RAB27B: variants seen among roughly 807,000 people sequenced by gnomAD.
RAB27B encodes RAB27B, member RAS oncogene family, also known as ras-related protein Rab-27B.
In RAB27B, 15 loss-of-function variants were observed where a neutral mutation model predicts 24.6. The ratio of observed to expected loss-of-function variants is 0.61; its 90% CI spans 0.41 to 0.94. The LOEUF (loss-of-function observed/expected upper bound fraction) is 0.94. Among genes scored for constraint, RAB27B ranks in the 40% least tolerant of loss-of-function variants. RAB27B has a pLI of 0.00. For missense variants in RAB27B, 261 were observed against 266.8 expected, an observed-to-expected ratio of 0.98 and a Z score of 0.15; for synonymous variants, 105 against 92.5, an observed-to-expected ratio of 1.14 and a Z score of -0.78.
chr18:54,859,152 A>G (rs1465188627), intron 1 of RAB27B, among the ~76,000 whole-genome samples: 1 of 152,220 alleles, frequency 6.6e-6, no homozygotes, highest in Non-Finnish European at 1.5e-5. Context: ...CGAGTGCCAC[A>G]AACTCCTTGT....
intron 1 of RAB27B, among the ~76,000 whole-genome samples, chr18:54,857,447 A>T (rs1409766230): frequency 1.3e-5 from 2 of 152,132 alleles, no homozygotes; most frequent in Non-Finnish European, 2.9e-5. Flanking sequence ...AGAGCATCTC[A>T]CTCTCCTACT....
At chr18:54,843,363 T>C (rs1000289750) in intron 1 of RAB27B, among the ~76,000 whole-genome samples, 1 of 90,992 alleles carries the variant, frequency 1.1e-5, no homozygotes, top group Admixed American at 1.2e-4. Context: ...TAAAACTCTT[T>C]TTTTTTTTAG....
At chr18:54,819,865 G>A (rs552752413) in intron 2 of RAB27B, among the ~76,000 whole-genome samples, 1 of 148,248 alleles carries the variant, frequency 6.7e-6, no homozygotes, top group Admixed American at 7.0e-5. Flanking sequence ...GTGAGAACAT[G>A]CAGTGTTTGG....
chr18:54,788,652 G>A (rs1909162236), intron 2 of RAB27B, among the ~76,000 whole-genome samples: 1 of 152,182 alleles, frequency 6.6e-6, no homozygotes, highest in Admixed American at 6.5e-5. Flanking sequence ...CCTTGGAAAT[G>A]CTCTAATTTT....
Position 54,893,993 on chromosome 18 carries a change from G to A in RAB27B, c.*4580G>A, listed in dbSNP as rs1019564254. ...AAAATATCTGAACAAAAAACCTTTC[G>A]TTGTTGGCATAAAAATGTGATACAC... On this transcript the variant is annotated 3_prime_UTR_variant, in exon 6 of 6. Coordinates refer to ENST00000262094, the MANE Select transcript of RAB27B (RefSeq NM_004163.4). 1 of 151,714 alleles carries A rather than the reference G, an allele frequency of 6.6e-6. No individual in the cohort carries two copies. 9.4% of individuals were successfully genotyped at this position (151,714 alleles called of 1,614,324 possible).
chr18:54,804,845 T>TTTCC (rs919367253), intron 2 of RAB27B, among the ~76,000 whole-genome samples: 4 of 33,274 alleles, frequency 1.2e-4, no homozygotes, highest in Non-Finnish European at 2.4e-4. Flanking sequence ...GTTTCTTTTC[T>TTTCC]TTCCTTCCTT....
intron 2 of RAB27B, chr18:54,745,622 T>G (rs1034552317): frequency 1.3e-5 from 2 of 152,266 alleles, no homozygotes; most frequent in Non-Finnish European, 1.5e-5. Flanking sequence ...AAGATGGAAA[T>G]AAGCTTGATG....
chr18:54,834,942 C>G (rs1203328902), intron 1 of RAB27B, among the ~76,000 whole-genome samples: 2 of 151,636 alleles, frequency 1.3e-5, no homozygotes, highest in African/African-American at 4.9e-5. Context: ...TAAATCTGAC[C>G]TGAGGGATAT....
chr18:54,844,532 G>C (rs1171647401), intron 1 of RAB27B, among the ~76,000 whole-genome samples: 1 of 149,782 alleles, frequency 6.7e-6, no homozygotes, highest in Non-Finnish European at 1.5e-5. Flanking sequence ...TCACCCTCCC[G>C]AGTAGCTGGG....
intron 2 of RAB27B, among the ~76,000 whole-genome samples, chr18:54,802,762 A>G (rs571835678): frequency 8.5e-5 from 13 of 152,348 alleles, no homozygotes; most frequent in African/African-American, 2.9e-4. Context: ...GGACATTGAC[A>G]TTATAAAGTC....
chr18:54,740,336 C>T (rs1016500791), intron 2 of RAB27B, among the ~76,000 whole-genome samples: 5 of 152,212 alleles, frequency 3.3e-5, no homozygotes, highest in Non-Finnish European at 1.5e-5. Flanking sequence ...GTTATAGAGC[C>T]TCAGGGATAT....
At chr18:54,856,231 C>A (rs1402652682) in intron 1 of RAB27B, among the ~76,000 whole-genome samples, 1 of 152,192 alleles carries the variant, frequency 6.6e-6, no homozygotes, top group Non-Finnish European at 1.5e-5. Context: ...AATTAGAAGT[C>A]AGCTTATGAA....
chr18:54,718,965 A>C (rs751408192), intron 2 of RAB27B, among the ~76,000 whole-genome samples: 82 of 152,202 alleles, frequency 5.4e-4, no homozygotes, highest in Non-Finnish European at 1.1e-3. Flanking sequence ...TGTATACATT[A>C]TGCCAAAATG....
intron 2 of RAB27B, among the ~76,000 whole-genome samples, chr18:54,818,454 G>A (rs1420555188): frequency 6.6e-6 from 1 of 152,056 alleles, no homozygotes; most frequent in African/African-American, 2.4e-5. Flanking sequence ...TTATACAAAT[G>A]ATGAAGTTCC....
chr18:54,786,924 A>G (rs1182490558), intron 2 of RAB27B, among the ~76,000 whole-genome samples: 3 of 152,248 alleles, frequency 2.0e-5, no homozygotes, highest in Admixed American at 6.5e-5. Flanking sequence ...ATCACTCTGC[A>G]TGAGCAGACA....
At chr18:54,860,436 C>A (rs1236110874) in intron 1 of RAB27B, among the ~76,000 whole-genome samples, 1 of 152,106 alleles carries the variant, frequency 6.6e-6, no homozygotes, top group Non-Finnish European at 1.5e-5. Context: ...CCTCCAGAAC[C>A]ACCACTCTCC....
At chr18:54,817,810 C>A (rs1040686559) in intron 2 of RAB27B, among the ~76,000 whole-genome samples, 4 of 151,788 alleles carry the variant, frequency 2.6e-5, no homozygotes, top group African/African-American at 9.7e-5. Context: ...GAATCCTTAA[C>A]GGTGACACTA....
intron 2 of RAB27B, among the ~76,000 whole-genome samples, chr18:54,810,521 G>A (rs1352855545): frequency 6.6e-6 from 1 of 151,948 alleles, no homozygotes; most frequent in Non-Finnish European, 1.5e-5. Context: ...CTAAATAAAT[G>A]TTGAATGAAT....
intron 2 of RAB27B, among the ~76,000 whole-genome samples, chr18:54,743,186 T>C (rs1910123861): frequency 6.6e-6 from 1 of 152,226 alleles, no homozygotes; most frequent in Non-Finnish European, 1.5e-5. Flanking sequence ...CTATTTAGCT[T>C]TTACATACTG....
Sources: allele counts gnomAD v4.1 joint callset (sites outside exome capture counted in the v4.1 genomes callset), GRCh38; gene constraint gnomAD v4.1.1; transcripts MANE v1.5; gene names NCBI Gene and HGNC (gene_info 2026-07-23, HGNC 2026-07-21).